Variants in RANBP2 observed in about 807,000 individuals in gnomAD.
RANBP2 encodes E3 SUMO-protein ligase RanBP2.
Under a neutral mutation model 303.6 loss-of-function variants are expected in RANBP2, and 57 were observed. The observed-to-expected ratio is 0.19, with a 90% CI of 0.15 to 0.23. RANBP2 has a LOEUF of 0.23. Ranked by LOEUF, RANBP2 falls within the 10% of genes least tolerant of loss-of-function variation. The pLI is 1.00. For synonymous variants in RANBP2, 1,167 were observed against 1,301.5 expected (o/e 0.90, Z 2.23); for missense variants, 3,138 against 3,780.8 (o/e 0.83, Z 4.46).
the RANBP2 span, among the ~76,000 whole-genome samples, chr2:109,626,084 A>T: frequency 6.6e-6 from 1 of 152,256 alleles, no homozygotes. Flanking sequence ...AATTAAAATG[A>T]CAGGTGGACC....
At chr2:108,805,108 G>A in the RANBP2 span, 5 of 529,252 alleles carry the variant, frequency 9.4e-6, no homozygotes, top group African/African-American at 9.9e-5. Context: ...TTCAGCTAGA[G>A]AAAATTTGGA....
the RANBP2 span, among the ~76,000 whole-genome samples, chr2:108,976,122 G>A: frequency 5.9e-5 from 9 of 152,230 alleles, no homozygotes; most frequent in East Asian, 1.5e-3. Flanking sequence ...TTCTCCTAAC[G>A]TTCTTTTTCT....
At chr2:109,496,398 C>T in the RANBP2 span, among the ~76,000 whole-genome samples, 15 of 152,166 alleles carry the variant, frequency 9.9e-5, no homozygotes, top group Admixed American at 5.2e-4. Flanking sequence ...CTGATTGGTG[C>T]ATTTTACAAT....
At chr2:109,205,320 G>C in the RANBP2 span, among the ~76,000 whole-genome samples, 2 of 151,050 alleles carry the variant, frequency 1.3e-5, no homozygotes, top group Non-Finnish European at 1.5e-5. Context: ...GAGTGCAGTG[G>C]CTCAATCTCA....
the RANBP2 span, among the ~76,000 whole-genome samples, chr2:109,237,181 T>C: frequency 2.0e-5 from 3 of 152,164 alleles, no homozygotes; most frequent in Non-Finnish European, 2.9e-5. Flanking sequence ...ATATGAACAC[T>C]CTGTTAAAAG....
the RANBP2 span, among the ~76,000 whole-genome samples, chr2:108,937,594 A>G: frequency 6.7e-6 from 1 of 149,442 alleles, no homozygotes; most frequent in Non-Finnish European, 1.5e-5. Flanking sequence ...GTGTATTTGT[A>G]TATGAGTGTG....
At chr2:108,931,026 G>A in the RANBP2 span, 1 of 1,613,988 alleles carries the variant, frequency 6.2e-7, no homozygotes, top group Non-Finnish European at 8.5e-7. Context: ...CTCTCCCAAG[G>A]GCTCACCTGA....
chr2:109,328,204 T>C, the RANBP2 span, among the ~76,000 whole-genome samples: 1 of 152,254 alleles, frequency 6.6e-6, no homozygotes, highest in African/African-American at 2.4e-5. Context: ...TGGATTTCCC[T>C]CATAGTCTCT....
the RANBP2 span, among the ~76,000 whole-genome samples, chr2:109,409,134 T>C: frequency 1.3e-5 from 2 of 152,248 alleles, no homozygotes; most frequent in Non-Finnish European, 2.9e-5. Flanking sequence ...CATATTCCAC[T>C]GTTTTGATCC....
the RANBP2 span, chr2:109,544,301 CT>C: frequency 1.9e-6 from 3 of 1,595,264 alleles, no homozygotes; most frequent in Non-Finnish European, 2.6e-6. Flanking sequence ...TGCTCTGGAA[CT>C]TCTGTTTTAC....
chr2:109,188,605 G>C, the RANBP2 span, among the ~76,000 whole-genome samples: 2 of 152,200 alleles, frequency 1.3e-5, no homozygotes, highest in African/African-American at 2.4e-5. Context: ...TCCGGCAGCA[G>C]TTTGCCTATG....
the RANBP2 span, among the ~76,000 whole-genome samples, chr2:109,334,710 A>G: frequency 6.6e-6 from 1 of 152,228 alleles, no homozygotes; most frequent in South Asian, 2.1e-4. Context: ...AAAAGCTGCA[A>G]TATGCCTCTT....
chr2:109,453,523 C>A, the RANBP2 span, among the ~76,000 whole-genome samples: 2 of 152,176 alleles, frequency 1.3e-5, no homozygotes, highest in East Asian at 3.8e-4. Flanking sequence ...GAGAGTCACC[C>A]AGAAGAGAAG....
At chr2:109,453,406 A>G in the RANBP2 span, among the ~76,000 whole-genome samples, 1 of 152,226 alleles carries the variant, frequency 6.6e-6, no homozygotes, top group African/African-American at 2.4e-5. Context: ...TGAAACAACC[A>G]TGGAACACTG....
chr2:109,198,559 A>G, the RANBP2 span, among the ~76,000 whole-genome samples: 2 of 152,160 alleles, frequency 1.3e-5, no homozygotes, highest in Admixed American at 6.5e-5. Flanking sequence ...TTTGTTTCTC[A>G]TAGTCCTGGA....
chr2:109,513,111 C>A, the RANBP2 span, among the ~76,000 whole-genome samples: 1 of 152,174 alleles, frequency 6.6e-6, no homozygotes, highest in Non-Finnish European at 1.5e-5. Context: ...CCATGCCATG[C>A]CACCCCAGCT....
chr2:108,881,873 A>G, the RANBP2 span, among the ~76,000 whole-genome samples: 2 of 152,140 alleles, frequency 1.3e-5, no homozygotes, highest in South Asian at 2.1e-4. Flanking sequence ...GCCAGGCACG[A>G]TGGCTCACTC....
At chr2:109,304,955 C>CGTCAA in the RANBP2 span, among the ~76,000 whole-genome samples, 1 of 152,140 alleles carries the variant, frequency 6.6e-6, no homozygotes, top group African/African-American at 2.4e-5. Context: ...GTAAAATCAG[C>CGTCAA]GTCAACTTAT....
the RANBP2 span, among the ~76,000 whole-genome samples, chr2:109,080,512 T>G: frequency 3.9e-5 from 6 of 152,276 alleles, no homozygotes; most frequent in Middle Eastern, 6.8e-3. Context: ...GGTCTCCAGA[T>G]GCTGCACTCT....
Sources: gnomAD v4.1 joint callset for allele counts (sites outside exome capture counted in the v4.1 genomes callset) on GRCh38, gnomAD v4.1.1 for gene constraint, MANE v1.5 for transcripts, NCBI Gene and HGNC (gene_info 2026-07-23, HGNC 2026-07-21) for gene names.